SRP72: variants seen among roughly 807,000 people sequenced by gnomAD.
SRP72 encodes the protein signal recognition particle subunit SRP72.
Under a neutral mutation model 96.3 loss-of-function variants are expected in SRP72, and 49 were observed. That is an observed-to-expected ratio of 0.51 (90% CI 0.40 to 0.65). SRP72 has a LOEUF of 0.65. Ranked by LOEUF, SRP72 falls within the 30% of genes least tolerant of loss-of-function variation. SRP72 has a pLI of 0.00. For synonymous variants in SRP72, 267 were observed against 275.2 expected (o/e 0.97, Z 0.30); for missense variants, 736 against 793.3 (o/e 0.93, Z 0.87).
Position 56,486,311 on chromosome 4 carries a change from C to T in SRP72, c.1087-14C>T, listed in dbSNP as rs531892006. On this transcript the variant is annotated splice_polypyrimidine_tract_variant and intron_variant, in intron 10 of 18. Coordinates refer to ENST00000642900, the MANE Select transcript of SRP72 (RefSeq NM_006947.4). ...TTAAATGTGATTTTTTTCCCCCAAA[C>T]TAAAAAAATTTAGGAATTTTCAGAT... is the stretch of plus-strand genomic sequence containing the variant. 2.0e-5 allele frequency: 31 copies of T among 1,586,526 alleles called. No individual in the cohort carries two copies. Among genetic ancestry groups the T allele is most frequent in the Middle Eastern group, 1.8e-4 (1 of 5,580 alleles).
intron 15 of SRP72, among the ~76,000 whole-genome samples, chr4:56,491,077 G>A (rs1471905193): frequency 6.6e-6 from 1 of 152,164 alleles, no homozygotes; most frequent in Non-Finnish European, 1.5e-5. Flanking sequence ...AAATCAGAGT[G>A]TGTTCCCAAA....
At chr4:56,487,124 C>T (rs1316620686) in intron 11 of SRP72, among the ~76,000 whole-genome samples, 3 of 152,084 alleles carry the variant, frequency 2.0e-5, no homozygotes, top group Admixed American at 2.0e-4. Flanking sequence ...AAAGTTCTGT[C>T]GAACAGCTCT....
chr4:56,475,295 G>A (rs922336332), intron 5 of SRP72, among the ~76,000 whole-genome samples: 2 of 152,068 alleles, frequency 1.3e-5, no homozygotes, highest in Non-Finnish European at 2.9e-5. Flanking sequence ...AGTGGCTCAC[G>A]CCTATAATCC....
intron 6 of SRP72, chr4:56,476,959 G>C (rs1720249577): frequency 1.2e-5 from 5 of 423,558 alleles, no homozygotes; most frequent in Non-Finnish European, 2.1e-5. Flanking sequence ...CCCCATTTTA[G>C]GATGTAGGAC....
chr4:56,479,272 C>T (rs972142824), intron 8 of SRP72, among the ~76,000 whole-genome samples: 38 of 152,084 alleles, frequency 2.5e-4, no homozygotes, highest in African/African-American at 8.5e-4. Flanking sequence ...CTCCGCCTCC[C>T]GCGTTCACGC....
chr4:56,496,842 G>A (rs1158084646), intron 17 of SRP72, among the ~76,000 whole-genome samples: 1 of 152,078 alleles, frequency 6.6e-6, no homozygotes, highest in Non-Finnish European at 1.5e-5. Context: ...ATAAAAATTA[G>A]CCGAGCAGTA....
In SRP72 at chr4:56,499,514, T is replaced by TC. The variant is rs541256309; in HGVS notation, c.1679-1021dup. Among the ~76,000 whole-genome samples the TC allele has an allele frequency of 2.0e-5, 3 of 151,880 alleles. No homozygotes were observed. In the East Asian group the frequency reaches 5.8e-4, roughly 29 times the overall value. On this transcript the variant is annotated intron_variant, in intron 17 of 18. Transcript: ENST00000642900. Reference sequence around the variant, plus strand: ...TAATATCCAGAATCAACAAAGAACTTCAACAAATTTACAAGAAAAAACCCC... The same window carrying TC: ...TAATATCCAGAATCAACAAAGAACTTCCAACAAATTTACAAGAAAAAACCCC...
At chr4:56,468,866 A>G (rs1052073639) in intron 1 of SRP72, among the ~76,000 whole-genome samples, 1 of 152,188 alleles carries the variant, frequency 6.6e-6, no homozygotes, top group Non-Finnish European at 1.5e-5. Context: ...GTTTACCAGT[A>G]TGTTTTCTTA....
rs113888561 is a variant in SRP72, at chr4:56,478,122, TAC to T, written c.643-256_643-255del. Among the ~76,000 whole-genome samples the T allele has an allele frequency of 1.8e-3, 267 of 152,016 alleles. 10 individuals are homozygous for T. In the South Asian group the frequency reaches 0.038, roughly 22 times the overall value. ...CAATAAATGGTAGTCCTAAACTTGT[TAC>T]CATGTTCTTCTAGGATCTTTTTGCC... On this transcript the variant is annotated intron_variant, in intron 6 of 18. Coordinates refer to ENST00000642900, the MANE Select transcript of SRP72 (RefSeq NM_006947.4).
At chr4:56,487,568 A>G (rs1163598211) in intron 11 of SRP72, among the ~76,000 whole-genome samples, 3 of 152,104 alleles carry the variant, frequency 2.0e-5, no homozygotes, top group Non-Finnish European at 4.4e-5. Flanking sequence ...GAAATTTTCC[A>G]TTGCACTCAT....
intron 16 of SRP72, among the ~76,000 whole-genome samples, chr4:56,494,419 T>TC (rs1560688002): frequency 6.6e-6 from 1 of 151,856 alleles, no homozygotes; most frequent in Non-Finnish European, 1.5e-5. Flanking sequence ...TTTTTTTTTT[T>TC]TTTGAGACGG....
chr4:56,478,459 A>G lies in SRP72; in HGVS notation c.723A>G (p.Arg241=). The G allele has an allele frequency of 2.5e-6, 4 of 1,613,964 alleles. No individual in the cohort carries two copies. Among genetic ancestry groups the G allele is most frequent in the Non-Finnish European group, 3.4e-6 (4 of 1,180,010 alleles). ...CTTATATTCTGCAGCTTCAGGGTCG[A>G]ACAGAGGAGGCTTTGCAACTTTACA... is the stretch of plus-strand genomic sequence containing the variant. ...QMAYILQLQG[R]TEEALQLYNQ... Residue 241 remains arginine, a synonymous_variant, in exon 7 of 19, where the codon CGA becomes CGG. Coordinates refer to ENST00000642900, the MANE Select transcript of SRP72 (RefSeq NM_006947.4).
intron 1 of SRP72, 113 bp from the exon 2 acceptor site, chr4:56,469,540 C>T: frequency 3.0e-6 from 3 of 985,784 alleles, no homozygotes; most frequent in South Asian, 4.6e-5. Context: ...CCAATTATTT[C>T]TGTTGCAATA....
intron 3 of SRP72, 88 bp from the exon 4 acceptor site, chr4:56,473,966 A>G (rs1720095102): frequency 7.5e-7 from 1 of 1,335,684 alleles, no homozygotes; most frequent in Admixed American, 2.5e-5. Flanking sequence ...TAGGATTCCT[A>G]CTTAGTGGTT....
rs557566505 is a variant in SRP72 at position 56,499,233 on chromosome 4, A to C, written c.1679-1303A>C. Among the ~76,000 whole-genome samples the C allele has an allele frequency of 2.6e-5, 4 of 152,326 alleles. No individual in the cohort carries two copies. The South Asian group carries it at 8.3e-4, about 32-fold the overall frequency. ...CACCTTATACAAAAATTAACTCAAG[A>C]TGGATTAAAGACTTAAACATAAGAC... On this transcript the variant is annotated intron_variant, in intron 17 of 18. Coordinates refer to ENST00000642900, the MANE Select transcript of SRP72 (RefSeq NM_006947.4).
chr4:56,499,351 A>G (rs916957424), intron 17 of SRP72, among the ~76,000 whole-genome samples: 1 of 152,202 alleles, frequency 6.6e-6, no homozygotes, highest in African/African-American at 2.4e-5. Flanking sequence ...CCCAAAAGCA[A>G]TGGCAACAAA....
intron 11 of SRP72, among the ~76,000 whole-genome samples, 160 bp downstream of exon 11, chr4:56,486,557 T>A (rs1720717841): frequency 6.6e-6 from 1 of 152,182 alleles, no homozygotes; most frequent in South Asian, 2.1e-4. Flanking sequence ...TCCAACAGAT[T>A]TAGTAGTGAG....
chr4:56,495,275 AC>A, intron 16 of SRP72, 81 bp from the exon 17 acceptor site: 2 of 906,336 alleles, frequency 2.2e-6, no homozygotes, highest in Non-Finnish European at 3.3e-6. Context: ...TAAGTGCCCA[AC>A]TAACTCTTAT....
Position 56,502,480 on chromosome 4 carries a change from T to C in SRP72, c.*619T>C, listed in dbSNP as rs533845817. The C allele has an allele frequency of 2.4e-4, 25 of 102,528 alleles. No homozygotes were observed. The highest frequency in any genetic ancestry group is 1.1e-3 in the African/African-American group (24 of 22,520). The allele number at this position is 102,528 out of a possible 1,614,324, so 6.4% of individuals were successfully genotyped here. On this transcript the variant is annotated 3_prime_UTR_variant, in exon 19 of 19. Transcript: ENST00000642900. ...CTTTTCATGTTTATATATATATATA[T>C]ATGTATATATATATACATATATATA...
Sources: allele counts gnomAD v4.1 joint callset (sites outside exome capture counted in the v4.1 genomes callset), GRCh38; gene constraint gnomAD v4.1.1; transcripts MANE v1.5; gene names NCBI Gene and HGNC (gene_info 2026-07-23, HGNC 2026-07-21).